The following NUAK1 variants were observed in gnomAD, a reference collection of about 807,000 sequenced individuals.
NUAK1 encodes the protein NUAK family SNF1-like kinase 1.
In NUAK1, 26 loss-of-function variants were observed where a neutral mutation model predicts 56.9. The observed-to-expected ratio is 0.46, with a 90% CI of 0.33 to 0.63. The LOEUF is 0.63. Among genes scored for constraint, NUAK1 ranks in the 30% least tolerant of loss-of-function variants. The probability of loss-of-function intolerance (pLI) is 0.02; values close to 1 mark genes in which losing one functional copy is unlikely to be tolerated. For missense variants in NUAK1, 727 were observed against 876.1 expected (o/e 0.83, Z 2.15); for synonymous variants, 337 against 336.0 (o/e 1.00, Z -0.03).
intron 1 of NUAK1, among the ~76,000 whole-genome samples, chr12:106,120,565 C>T (rs888580735): frequency 1.3e-5 from 2 of 152,206 alleles, no homozygotes; most frequent in Non-Finnish European, 2.9e-5. Context: ...GTCGCCTCTT[C>T]TGAGAAGCCA....
intron 1 of NUAK1, among the ~76,000 whole-genome samples, chr12:106,129,418 T>A (rs1253973244): frequency 6.6e-6 from 1 of 152,202 alleles, no homozygotes; most frequent in African/African-American, 2.4e-5. Context: ...TGGGCTGCAG[T>A]GACGAGTGAG....
chr12:106,117,547 G>A (rs1477003929), intron 1 of NUAK1, among the ~76,000 whole-genome samples: 5 of 152,134 alleles, frequency 3.3e-5, no homozygotes, highest in East Asian at 1.9e-4. Context: ...TCACTTGACC[G>A]GTACTAGTTG....
At chr12:106,078,107 T>G (rs1481820696) in intron 4 of NUAK1, among the ~76,000 whole-genome samples, 2 of 152,242 alleles carry the variant, frequency 1.3e-5, no homozygotes, top group East Asian at 3.8e-4. Context: ...GGCTCATGCC[T>G]GCAATCCCAG....
At chr12:106,087,419 C>T (rs1272235218) in intron 2 of NUAK1, among the ~76,000 whole-genome samples, 20 of 152,192 alleles carry the variant, frequency 1.3e-4, no homozygotes, top group Admixed American at 1.3e-3. Flanking sequence ...AGCCCTACTA[C>T]ACACCCATTC....
intron 4 of NUAK1, among the ~76,000 whole-genome samples, chr12:106,076,220 A>C (rs2032463671): frequency 6.6e-6 from 1 of 152,216 alleles, no homozygotes; most frequent in Admixed American, 6.5e-5. Flanking sequence ...CTCGCTCTAA[A>C]AGTGAAGCAG....
chr12:106,096,419 G>A (rs1422004051), intron 2 of NUAK1, among the ~76,000 whole-genome samples: 1 of 152,182 alleles, frequency 6.6e-6, no homozygotes, highest in African/African-American at 2.4e-5. Context: ...CAGGCTCACA[G>A]CTGAAGCACT....
At chr12:106,125,620 G>A (rs932640729) in intron 1 of NUAK1, among the ~76,000 whole-genome samples, 2 of 152,154 alleles carry the variant, frequency 1.3e-5, no homozygotes, top group African/African-American at 4.8e-5. Flanking sequence ...GTTGTTAAGG[G>A]AAAAATGCTC....
Position 106,067,688 on chromosome 12 carries a change from G to A in NUAK1, c.1100C>T (p.Ser367Leu), listed in dbSNP as rs139881229. The change falls in exon 7 of 7, where the codon TCG becomes TTG. Residue 367 changes from serine to leucine, a missense_variant. Ser to Leu is a moderately radical substitution (Grantham distance 145, BLOSUM62 -2). Transcript: ENST00000261402. This position sits in a 1 kb window ranked among gnomAD's most constrained non-coding sequence, Gnocchi z 6.0. ...ATTCTCTTTCTTGGATTTCTTCAGC[G>A]ACCGCTGCCGCTCTAGCATGACCTC... ...TSEVMLERQR[S>L]LKKSKKENDF... 1.3e-4 allele frequency: 212 copies of A among 1,614,068 alleles called. No individual in the cohort carries two copies. The highest frequency in any genetic ancestry group is 8.9e-5 in the Non-Finnish European group (105 of 1,180,054).
chr12:106,069,278 G>A (rs542469083), intron 6 of NUAK1, among the ~76,000 whole-genome samples: 1 of 152,242 alleles, frequency 6.6e-6, no homozygotes, highest in African/African-American at 2.4e-5. Context: ...TATTCACAGC[G>A]GAGGTCAAAC....
At chr12:106,121,221 A>G (rs1429719864) in intron 1 of NUAK1, among the ~76,000 whole-genome samples, 1 of 152,066 alleles carries the variant, frequency 6.6e-6, no homozygotes, top group Non-Finnish European at 1.5e-5. Context: ...GGTTTCTTTA[A>G]CCCTAAAGTG....
intron 3 of NUAK1, among the ~76,000 whole-genome samples, chr12:106,085,656 T>C (rs1435338808): frequency 6.6e-6 from 1 of 152,240 alleles, no homozygotes; most frequent in South Asian, 2.1e-4. Context: ...CTGTGTACTT[T>C]ATGCCTTTTC....
chr12:106,129,539 CAAA>C (rs1396367166), intron 1 of NUAK1, among the ~76,000 whole-genome samples: 1 of 152,126 alleles, frequency 6.6e-6, no homozygotes, highest in Non-Finnish European at 1.5e-5. Flanking sequence ...GGGGCTGAAA[CAAA>C]GAAGTAAGGA....
At chr12:106,135,789 G>A (rs2033124108) in intron 1 of NUAK1, among the ~76,000 whole-genome samples, 1 of 152,200 alleles carries the variant, frequency 6.6e-6, no homozygotes, top group African/African-American at 2.4e-5. Context: ...TGTTGTGAAT[G>A]TTTAGCACAT....
chr12:106,096,838 C>T (rs894527009), intron 2 of NUAK1, among the ~76,000 whole-genome samples: 2 of 152,182 alleles, frequency 1.3e-5, no homozygotes, highest in Non-Finnish European at 2.9e-5. Flanking sequence ...CAGGATTAAG[C>T]CTGTATTTCT....
intron 1 of NUAK1, among the ~76,000 whole-genome samples, chr12:106,119,064 A>C (rs1364874422): frequency 6.6e-6 from 1 of 152,230 alleles, no homozygotes; most frequent in African/African-American, 2.4e-5. Flanking sequence ...TGGCATGCTA[A>C]TAAGGGGACT....
rs777919266 is a variant in NUAK1 at position 106,067,994 on chromosome 12, G to C, written c.833-39C>G. 55 of 1,556,350 alleles carry C rather than the reference G, an allele frequency of 3.5e-5. No individual in the cohort carries two copies. The highest frequency in any genetic ancestry group is 4.5e-5 in the Non-Finnish European group (52 of 1,149,528). On this transcript the variant is annotated intron_variant, in intron 6 of 6. Transcript: ENST00000261402. The surrounding 1 kb of genome is among the most constrained non-coding windows in gnomAD (Gnocchi z 6.0). ...GACAAAAAGAATCGGGCATTATGTG[G>C]GAGCTTCTGGCTTTGTGATAGTGGG...
intron 2 of NUAK1, among the ~76,000 whole-genome samples, chr12:106,091,619 A>G (rs1325408130): frequency 1.3e-5 from 2 of 152,190 alleles, no homozygotes; most frequent in Non-Finnish European, 2.9e-5. Context: ...TTGAAAGCCC[A>G]CAAGGAGCTG....
At position 106,107,690 on chromosome 12, in the gene NUAK1, G is replaced by A. The variant is rs1325454435; in HGVS notation, c.241-1165C>T. On this transcript the variant is annotated intron_variant, in intron 1 of 6. Coordinates refer to ENST00000261402, the MANE Select transcript of NUAK1 (RefSeq NM_014840.3). Reference sequence around the variant, plus strand: ...AGTCAACCCCAGCCAGCCTCAGCAGGAATATATTCACTTTTAGGAGCACGT... The same window carrying A: ...AGTCAACCCCAGCCAGCCTCAGCAGAAATATATTCACTTTTAGGAGCACGT... Among the ~76,000 whole-genome samples, 7 of 152,174 alleles carry A rather than the reference G, an allele frequency of 4.6e-5. No individual in the cohort carries two copies. In the East Asian group the frequency reaches 1.3e-3, roughly 29 times the overall value.
At chr12:106,078,351 T>A (rs1319262148) in intron 4 of NUAK1, among the ~76,000 whole-genome samples, 6 of 152,232 alleles carry the variant, frequency 3.9e-5, no homozygotes, top group African/African-American at 1.2e-4. Context: ...GATAGTGGAA[T>A]TCTAAAATTA....
Sources: allele counts gnomAD v4.1 joint callset (sites outside exome capture counted in the v4.1 genomes callset), GRCh38; gene constraint gnomAD v4.1.1; non-coding constraint Gnocchi (gnomAD v3.1); transcripts MANE v1.5; gene names NCBI Gene and HGNC (gene_info 2026-07-23, HGNC 2026-07-21).